The following CSMD1 variants were observed in gnomAD, a reference collection of about 807,000 sequenced individuals.
The protein encoded by CSMD1 is CUB and Sushi multiple domains 1, also known as CUB and sushi domain-containing protein 1.
In CSMD1, 213 loss-of-function variants were observed where a neutral mutation model predicts 417.5. The ratio of observed to expected loss-of-function variants is 0.51; its 90% confidence interval spans 0.46 to 0.57. The LOEUF is 0.57. CSMD1 is among the 20% of genes least tolerant of loss of function. CSMD1 has a pLI of 0.00. For synonymous variants in CSMD1, 2,862 were observed against 1,736.8 expected (o/e 1.65, Z -16.11); for missense variants, 6,923 against 4,529.7 (o/e 1.53, Z -15.17).
intron 2 of CSMD1, among the ~76,000 whole-genome samples, chr8:4,603,266 C>A (rs868155507): frequency 6.6e-6 from 1 of 151,956 alleles, no homozygotes; most frequent in Non-Finnish European, 1.5e-5. Context: ...ATTTTTCATA[C>A]TCCTTTAATT....
intron 25 of CSMD1, among the ~76,000 whole-genome samples, chr8:3,292,478 G>T (rs1422774659): frequency 6.6e-6 from 1 of 152,048 alleles, no homozygotes; most frequent in South Asian, 2.1e-4. Context: ...CTTTGTAGGT[G>T]TCTAAGGACT....
At chr8:4,303,550 T>TA (rs1798094956) in intron 3 of CSMD1, among the ~76,000 whole-genome samples, 1 of 151,970 alleles carries the variant, frequency 6.6e-6, no homozygotes, top group African/African-American at 2.4e-5. Context: ...AAATAAATTT[T>TA]AAAAAATTTC....
Position 4,585,887 on chromosome 8 carries a change from G to A in CSMD1, c.302+51455C>T, listed in dbSNP as rs117440043. Among the ~76,000 whole-genome samples the A allele has an allele frequency of 7.4e-3, 1,130 of 152,216 alleles. 34 individuals are homozygous for A. The highest frequency in any genetic ancestry group is 0.058 in the Admixed American group (882 of 15,284). Reference sequence around the variant, plus strand: ...CATGCAGGTAAAGATGGAATAAACAGCAATACAAAATGTAAGCTGATGGGA... The same window carrying A: ...CATGCAGGTAAAGATGGAATAAACAACAATACAAAATGTAAGCTGATGGGA... On this transcript the variant is annotated intron_variant, in intron 2 of 69. Coordinates refer to ENST00000635120, the MANE Select transcript of CSMD1 (RefSeq NM_033225.6).
At chr8:4,673,858 G>C (rs1475434934) in intron 1 of CSMD1, among the ~76,000 whole-genome samples, 1 of 152,150 alleles carries the variant, frequency 6.6e-6, no homozygotes, top group African/African-American at 2.4e-5. Context: ...GACTGCCCGT[G>C]ATGGAAGTGA....
chr8:3,115,149 A>C (rs2129017705), intron 42 of CSMD1, among the ~76,000 whole-genome samples: 1 of 151,730 alleles, frequency 6.6e-6, no homozygotes, highest in East Asian at 1.9e-4. Context: ...ACATTTAATA[A>C]GTTAATAAAC....
intron 12 of CSMD1, among the ~76,000 whole-genome samples, chr8:3,447,255 C>A (rs1343086211): frequency 6.6e-6 from 1 of 152,028 alleles, no homozygotes; most frequent in Admixed American, 6.6e-5. Context: ...AATAGCAGCA[C>A]ACTTTTTTAT....
intron 2 of CSMD1, among the ~76,000 whole-genome samples, chr8:4,565,238 T>A (rs1798533374): frequency 6.6e-6 from 1 of 152,192 alleles, no homozygotes; most frequent in Non-Finnish European, 1.5e-5. Context: ...GAAATTGGAT[T>A]AAGAATGCCT....
chr8:2,949,679 C>CAAG (rs58688576), intron 67 of CSMD1, among the ~76,000 whole-genome samples: 84,863 of 151,636 alleles, frequency 0.56, 26,078 homozygotes, highest in East Asian at 0.74. Flanking sequence ...TCTAAGGGAA[C>CAAG]ACAAACGTAT....
chr8:3,664,836 T>G (rs1798601568), intron 7 of CSMD1, among the ~76,000 whole-genome samples: 1 of 152,160 alleles, frequency 6.6e-6, no homozygotes, highest in Admixed American at 6.5e-5. Flanking sequence ...AGCTAAAAGT[T>G]TAGCAGTAAA....
At chr8:3,051,332 C>G (rs1351332028) in intron 50 of CSMD1, among the ~76,000 whole-genome samples, 1 of 152,136 alleles carries the variant, frequency 6.6e-6, no homozygotes, top group African/African-American at 2.4e-5. Flanking sequence ...TCCAAGTGAA[C>G]TAATGCAGGA....
intron 1 of CSMD1, among the ~76,000 whole-genome samples, chr8:4,667,315 A>G (rs1423534165): frequency 6.6e-6 from 1 of 152,160 alleles, no homozygotes; most frequent in East Asian, 1.9e-4. Context: ...CTTCTTTCTT[A>G]AAATTGTCTT....
Position 3,373,427 on chromosome 8 carries a change from C to T in CSMD1, c.2783-4057G>A, listed in dbSNP as rs530694229. On this transcript the variant is annotated intron_variant, in intron 18 of 69. Coordinates refer to ENST00000635120, the MANE Select transcript of CSMD1 (RefSeq NM_033225.6). ...ATATGGGTGCAAACACAACGTAGTCCAATTCAGTTATCATGAAGACTTTAC... is the reference window on the plus strand; with the variant it reads ...ATATGGGTGCAAACACAACGTAGTCTAATTCAGTTATCATGAAGACTTTAC... 10 of 152,310 alleles carry T rather than the reference C, an allele frequency of 6.6e-5. No homozygotes were observed. In the East Asian group the frequency reaches 1.7e-3, roughly 26 times the overall value. The allele number at this position is 152,310 out of a possible 1,614,324, so 9.4% of individuals were successfully genotyped here.
At chr8:4,452,683 G>A (rs1799221426) in intron 2 of CSMD1, among the ~76,000 whole-genome samples, 1 of 152,074 alleles carries the variant, frequency 6.6e-6, no homozygotes, top group Admixed American at 6.5e-5. Flanking sequence ...CAGAAATAAA[G>A]TCTAAATCCT....
chr8:3,654,378 G>C (rs970476532), intron 7 of CSMD1, among the ~76,000 whole-genome samples: 28 of 152,160 alleles, frequency 1.8e-4, no homozygotes, highest in Admixed American at 7.9e-4. Context: ...GTTTTAGACT[G>C]CGTATAAATA....
intron 11 of CSMD1, among the ~76,000 whole-genome samples, chr8:3,471,000 G>C (rs1563070411): frequency 6.6e-6 from 1 of 152,160 alleles, no homozygotes; most frequent in Non-Finnish European, 1.5e-5. Context: ...GCAGGTTTCT[G>C]TGTGAGCATA....
intron 3 of CSMD1, among the ~76,000 whole-genome samples, chr8:4,172,961 G>A (rs1797848929): frequency 6.6e-6 from 1 of 152,094 alleles, no homozygotes; most frequent in African/African-American, 2.4e-5. Context: ...GCTGAGGCAG[G>A]CAGCTAAACC....
chr8:4,250,850 T>C (rs1329421492), intron 3 of CSMD1, among the ~76,000 whole-genome samples: 1 of 152,234 alleles, frequency 6.6e-6, no homozygotes, highest in East Asian at 1.9e-4. Flanking sequence ...GTCAACACCT[T>C]GTCACTATTT....
At chr8:4,237,432 A>G (rs902948989) in intron 3 of CSMD1, among the ~76,000 whole-genome samples, 8 of 152,204 alleles carry the variant, frequency 5.3e-5, no homozygotes, top group African/African-American at 1.2e-4. Flanking sequence ...TGAATATTTA[A>G]TATGTATACC....
intron 4 of CSMD1, among the ~76,000 whole-genome samples, chr8:4,029,925 T>A (rs1037773748): frequency 2.5e-4 from 38 of 152,242 alleles, no homozygotes; most frequent in Middle Eastern, 3.4e-3. Context: ...TGGCCCTATG[T>A]AAGTATAGAA....
Sources: gnomAD v4.1 joint callset for allele counts (sites outside exome capture counted in the v4.1 genomes callset) on GRCh38, gnomAD v4.1.1 for gene constraint, MANE v1.5 for transcripts, NCBI Gene and HGNC (gene_info 2026-07-23, HGNC 2026-07-21) for gene names.